Variants in MID1 observed in about 807,000 individuals in gnomAD.
MID1 encodes the protein midline 1, also known as E3 ubiquitin-protein ligase Midline-1.
MID1 carries 7 observed loss-of-function variants against 40.4 expected under a neutral mutation model. The observed-to-expected ratio is 0.17, with a 90% CI of 0.10 to 0.33. The LOEUF is 0.33. Among genes scored for constraint, MID1 ranks in the 10% least tolerant of loss-of-function variants. The probability of loss-of-function intolerance (pLI) is 1.00; values close to 1 mark genes in which losing one functional copy is unlikely to be tolerated. For synonymous variants in MID1, 229 were observed against 221.2 expected (o/e 1.04, Z -0.31); for missense variants, 367 against 558.5 (o/e 0.66, Z 3.46).
intron 2 of MID1, among the ~76,000 whole-genome samples, chrX:10,541,060 T>G (rs1275543438): frequency 8.9e-6 from 1 of 112,321 alleles, no homozygotes; most frequent in Non-Finnish European, 1.9e-5. Flanking sequence ...ACTCAGGTTC[T>G]CTTGAGATCT....
rs769847456 is a variant in MID1 at position 10,455,172 on chromosome X, A to T, written c.1448-95T>A. 44 of 782,871 alleles carry T rather than the reference A, an allele frequency of 5.6e-5. No homozygotes were observed. In the South Asian group the frequency reaches 9.4e-4, roughly 17 times the overall value. 64.5% of individuals were successfully genotyped at this position (782,871 alleles called of 1,213,427 possible). ...ATATTTTCAAAATCAGGTTTAAAAG[A>T]CAGGAACAAGCCAGCCCTCCCTGAG... On this transcript the variant is annotated intron_variant, in intron 8 of 9. Coordinates refer to ENST00000317552, the MANE Select transcript of MID1 (RefSeq NM_000381.4).
chrX:10,501,464 C>T, intron 3 of MID1: 2 of 1,154,149 alleles, frequency 1.7e-6, no homozygotes, highest in South Asian at 3.8e-5. Flanking sequence ...TTCTCCCCAT[C>T]AGTCTTGCCT....
chrX:10,592,390 G>A (rs1440453575), intron 1 of MID1, among the ~76,000 whole-genome samples: 2 of 103,451 alleles, frequency 1.9e-5, no homozygotes, highest in East Asian at 3.1e-4. Flanking sequence ...ATCATTTCTC[G>A]TATAAATTGT....
chrX:10,553,830 C>A (rs992391594), intron 2 of MID1, among the ~76,000 whole-genome samples: 2 of 112,072 alleles, frequency 1.8e-5, no homozygotes, highest in African/African-American at 3.2e-5. Context: ...TCAAAGGGAA[C>A]TTCTTTGCTC....
At chrX:10,695,514 C>A (rs1371479514) in intron 1 of MID1, among the ~76,000 whole-genome samples, 2 of 112,019 alleles carry the variant, frequency 1.8e-5, no homozygotes, top group Non-Finnish European at 3.8e-5. Context: ...ATTACATTCA[C>A]AGCCCATCAG....
At chrX:10,617,894 C>T (rs1391414944) in intron 1 of MID1, among the ~76,000 whole-genome samples, 2 of 112,447 alleles carry the variant, frequency 1.8e-5, no homozygotes, top group Non-Finnish European at 3.8e-5. Context: ...CAAGGTGAAT[C>T]AGATTTACAC....
chrX:10,682,761 T>C (rs1177207325), intron 1 of MID1, among the ~76,000 whole-genome samples: 2 of 112,033 alleles, frequency 1.8e-5, no homozygotes, highest in Non-Finnish European at 3.8e-5. Context: ...TTAAAAAATA[T>C]ATTAAAATAC....
At chrX:10,755,837 G>A (rs2043629791) in intron 1 of MID1, among the ~76,000 whole-genome samples, 1 of 112,132 alleles carries the variant, frequency 8.9e-6, no homozygotes, top group Non-Finnish European at 1.9e-5. Flanking sequence ...ATGGCCCACT[G>A]AAGTAAAGAA....
At chrX:10,605,662 G>A (rs1049293412) in intron 1 of MID1, among the ~76,000 whole-genome samples, 18 of 111,624 alleles carry the variant, frequency 1.6e-4, no homozygotes, top group Non-Finnish European at 3.0e-4. Context: ...GTATTTTTGA[G>A]TATTATTTGC....
intron 1 of MID1, among the ~76,000 whole-genome samples, chrX:10,680,786 G>A (rs1364775172): frequency 7.3e-5 from 8 of 110,330 alleles, no homozygotes; most frequent in African/African-American, 2.3e-4. Context: ...TACAATCCTA[G>A]CACTTTGAGA....
chrX:10,634,143 T>C (rs1936083596), intron 1 of MID1, among the ~76,000 whole-genome samples: 2 of 111,252 alleles, frequency 1.8e-5, no homozygotes. Context: ...AAGATGCATA[T>C]AGAGCAAAAA....
intron 3 of MID1, among the ~76,000 whole-genome samples, chrX:10,508,718 A>G (rs1409686867): frequency 1.8e-5 from 2 of 111,913 alleles, no homozygotes; most frequent in Non-Finnish European, 3.8e-5. Context: ...AGAGGAAATT[A>G]AAATTCTGTT....
At chrX:10,475,143 T>C (rs1929937909) in intron 5 of MID1, 1 of 334,443 alleles carries the variant, frequency 3.0e-6, no homozygotes, top group Admixed American at 3.1e-5. Context: ...TGTTTGTTCC[T>C]TTCAGACGCA....
At chrX:10,744,029 C>T (rs2043543347) in intron 1 of MID1, among the ~76,000 whole-genome samples, 2 of 111,171 alleles carry the variant, frequency 1.8e-5, no homozygotes, top group East Asian at 2.8e-4. Context: ...AGAAGGAAGA[C>T]GCAAATGAAA....
At chrX:10,636,785 G>GATATATATATATACATATATATAT (rs1936118665) in intron 1 of MID1, among the ~76,000 whole-genome samples, 3 of 42,719 alleles carry the variant, frequency 7.0e-5, no homozygotes, top group Non-Finnish European at 1.2e-4. Flanking sequence ...CAACAATGGG[G>GATATATATATATACATATATATAT]ATATATATAT....
intron 4 of MID1, among the ~76,000 whole-genome samples, chrX:10,493,650 G>A (rs913334337): frequency 1.6e-4 from 18 of 111,599 alleles, no homozygotes; most frequent in Admixed American, 1.1e-3. Flanking sequence ...AAATAATAAC[G>A]TATTATACAG....
chrX:10,706,902 G>A (rs1420000235), intron 1 of MID1, among the ~76,000 whole-genome samples: 4 of 111,756 alleles, frequency 3.6e-5, no homozygotes, highest in South Asian at 3.7e-4. Context: ...AGGGTGTACC[G>A]TGCATTACTA....
intron 1 of MID1, among the ~76,000 whole-genome samples, chrX:10,602,335 C>T (rs1935546638): frequency 9.3e-6 from 1 of 107,366 alleles, no homozygotes; most frequent in Admixed American, 1.0e-4. Context: ...ACAATTCACA[C>T]ATTACAAACA....
chrX:10,705,282 G>A (rs2043222790), intron 1 of MID1, among the ~76,000 whole-genome samples: 2 of 112,132 alleles, frequency 1.8e-5, no homozygotes, highest in Admixed American at 1.9e-4. Context: ...GTCAATGTAA[G>A]TTTTATGGTA....
Sources: gnomAD v4.1 joint callset for allele counts (sites outside exome capture counted in the v4.1 genomes callset) on GRCh38, gnomAD v4.1.1 for gene constraint, MANE v1.5 for transcripts, NCBI Gene and HGNC (gene_info 2026-07-23, HGNC 2026-07-21) for gene names.